SMAD2: variants seen among roughly 807,000 people sequenced by gnomAD.
SMAD2 encodes the protein MAD homolog 2.
A neutral mutation model predicts 64.4 loss-of-function variants in SMAD2; 8 were observed. That is an observed-to-expected ratio of 0.12 (90% confidence interval 0.07 to 0.22). The LOEUF (loss-of-function observed/expected upper bound fraction) is 0.22, where lower values mean the gene tolerates loss of function less well. SMAD2 is among the 10% of genes least tolerant of loss of function. The pLI is 1.00. For synonymous variants in SMAD2, 203 were observed against 195.8 expected, an observed-to-expected ratio of 1.04 and a Z score of -0.31; for missense variants, 289 against 561.2, an observed-to-expected ratio of 0.51 and a Z score of 4.90.
intron 1 of SMAD2, among the ~76,000 whole-genome samples, chr18:47,911,328 G>A (rs1384797496): frequency 6.6e-6 from 1 of 150,458 alleles, no homozygotes; most frequent in Non-Finnish European, 1.5e-5. Context: ...TCTAGTCTGG[G>A]CAACAGAGCG....
intron 7 of SMAD2, among the ~76,000 whole-genome samples, chr18:47,849,828 T>C (rs1450884329): frequency 1.3e-5 from 2 of 151,780 alleles, no homozygotes; most frequent in Admixed American, 6.6e-5. Context: ...GGCAACATAG[T>C]GAAACCCCAT....
intron 8 of SMAD2, among the ~76,000 whole-genome samples, chr18:47,847,814 A>T (rs1914675665): frequency 6.6e-6 from 1 of 152,044 alleles, no homozygotes; most frequent in African/African-American, 2.4e-5. Context: ...AATCATATGC[A>T]TGTAGGCTCT....
intron 4 of SMAD2, among the ~76,000 whole-genome samples, chr18:47,868,732 C>T (rs918143633): frequency 2.0e-5 from 3 of 152,036 alleles, no homozygotes; most frequent in South Asian, 2.1e-4. Context: ...GTTCATAAAT[C>T]CCCATTGGAA....
intron 1 of SMAD2, among the ~76,000 whole-genome samples, chr18:47,898,814 A>C (rs1410820696): frequency 6.6e-6 from 1 of 152,208 alleles, no homozygotes; most frequent in Non-Finnish European, 1.5e-5. Flanking sequence ...AGGCGTCAGG[A>C]AAGATTTTCC....
chr18:47,896,548 C>T lies in SMAD2; in HGVS notation c.209G>A (p.Cys70Tyr). The change falls in exon 2 of 11, where the codon TGT (cysteine) becomes TAT (tyrosine). Residue 70 changes from cysteine (C) to tyrosine (Y), a missense_variant. Coordinates refer to ENST00000262160, the MANE Select transcript of SMAD2 (RefSeq NM_005901.6). The part of the protein sequence containing the change: ...ELEKAITTQN[C>Y]NTKCVTIPST... ...TGGTATGGTAACACATTTAGTATTA[C>T]AGTTTTGAGTGGTGATGGCTTTCTC... 1.2e-6 allele frequency: 2 copies of T among 1,614,148 alleles called. No individual in the cohort carries two copies. The highest frequency in any genetic ancestry group is 1.7e-6 in the Non-Finnish European group (2 of 1,180,004).
In SMAD2 at chr18:47,872,683, C is replaced by T. The variant is rs148121816; in HGVS notation, c.237-2119G>A. On this transcript the variant is annotated intron_variant, in intron 2 of 10. Transcript: ENST00000262160. ...CATTAGATTCTCATAGGAGCAAGAACCCTATTGTGAACTGCACATGCGAGG... is the reference window on the plus strand; with the variant it reads ...CATTAGATTCTCATAGGAGCAAGAATCCTATTGTGAACTGCACATGCGAGG... Among the ~76,000 whole-genome samples the T allele has an allele frequency of 1.4e-4, 22 of 152,164 alleles. 1 individual carries two copies. Among genetic ancestry groups the T allele is most frequent in the Middle Eastern group, 3.4e-3 (1 of 294 alleles).
intron 10 of SMAD2, among the ~76,000 whole-genome samples, chr18:47,843,486 A>G (rs1792684): frequency 0.4 from 61,115 of 152,018 alleles, 13,078 homozygotes; most frequent in East Asian, 0.59. Flanking sequence ...AATTCTTCAT[A>G]CATCTAAATT....
intron 4 of SMAD2, 132 bp from the exon 5 acceptor site, chr18:47,868,589 A>C (rs972108234): frequency 1.5e-6 from 1 of 683,712 alleles, no homozygotes; most frequent in Non-Finnish European, 2.6e-6. Flanking sequence ...CTCGATATAT[A>C]CTAGTTACTG....
chr18:47,871,819 A>G (rs562902089), intron 2 of SMAD2, among the ~76,000 whole-genome samples: 50 of 152,328 alleles, frequency 3.3e-4, no homozygotes, highest in African/African-American at 8.7e-4. Flanking sequence ...TCAAATATCT[A>G]TTGGAAACAT....
intron 2 of SMAD2, among the ~76,000 whole-genome samples, chr18:47,882,035 G>T (rs1204467859): frequency 1.4e-5 from 1 of 72,214 alleles, no homozygotes; most frequent in Non-Finnish European, 2.7e-5. Context: ...GTACTACCAC[G>T]CTTGGCTTTT....
chr18:47,841,981 GA>G, intron 10 of SMAD2, 31 bp from the exon 11 acceptor site: 1 of 1,613,356 alleles, frequency 6.2e-7, no homozygotes, highest in Non-Finnish European at 8.5e-7. Context: ...AAATGATTAT[GA>G]AATTCAAGTC....
Position 47,822,933 on chromosome 18 carries a change from AC to A in SMAD2, c.*18893del, listed in dbSNP as rs1415851046. 1 of 152,104 alleles carries A rather than the reference AC, an allele frequency of 6.6e-6. No homozygotes were observed. The highest frequency in any genetic ancestry group is 2.4e-5 in the African/African-American group (1 of 41,384). The allele number at this position is 152,104 out of a possible 1,614,324, so 9.4% of individuals were successfully genotyped here. On this transcript the variant is annotated 3_prime_UTR_variant, in exon 11 of 11. Coordinates refer to ENST00000262160, the MANE Select transcript of SMAD2 (RefSeq NM_005901.6). ...TCAAACTCCTGACCTCAGGTGTTCC[AC>A]CTGTCTTGGCCTCCCAAAGAGCTGG...
intron 1 of SMAD2, among the ~76,000 whole-genome samples, chr18:47,925,772 C>T (rs2034737393): frequency 1.3e-5 from 2 of 152,124 alleles, no homozygotes; most frequent in African/African-American, 2.4e-5. Flanking sequence ...TACAAGGTCA[C>T]CAATAATTAT....
intron 2 of SMAD2, among the ~76,000 whole-genome samples, chr18:47,871,799 A>G (rs1450355059): frequency 6.6e-6 from 1 of 152,224 alleles, no homozygotes; most frequent in African/African-American, 2.4e-5. Context: ...GGTTTATTTA[A>G]AAGATATTTT....
At chr18:47,872,718 T>C (rs2032014195) in intron 2 of SMAD2, among the ~76,000 whole-genome samples, 1 of 152,142 alleles carries the variant, frequency 6.6e-6, no homozygotes, top group African/African-American at 2.4e-5. Context: ...GGCTTTAGGC[T>C]GGGCACTCCT....
chr18:47,872,987 G>C (rs2032035181), intron 2 of SMAD2, among the ~76,000 whole-genome samples: 2 of 151,592 alleles, frequency 1.3e-5, no homozygotes, highest in Non-Finnish European at 2.9e-5. Flanking sequence ...TCAGCCTCCT[G>C]AGTAGCTGGG....
chr18:47,854,379 C>T (rs2030459215), intron 6 of SMAD2, among the ~76,000 whole-genome samples: 1 of 152,092 alleles, frequency 6.6e-6, no homozygotes, highest in African/African-American at 2.4e-5. Context: ...TTATAAGTGC[C>T]AAAATACCCT....
In SMAD2 at chr18:47,833,450, C is replaced by T. The variant is rs893447366; in HGVS notation, c.*8377G>A. The T allele has an allele frequency of 8.8e-6, 2 of 227,654 alleles. No homozygotes were observed. The highest frequency in any genetic ancestry group is 6.3e-5 in the East Asian group (1 of 15,876). The allele number at this position is 227,654 out of a possible 1,614,324, so 14.1% of individuals were successfully genotyped here. On this transcript the variant is annotated 3_prime_UTR_variant, in exon 11 of 11. Transcript: ENST00000262160. ...CATCGTACTTTTGACAATCATAGAA[C>T]GAAAGCTCACAAAGAACACATTTAA... is the stretch of plus-strand genomic sequence containing the variant.
intron 1 of SMAD2, among the ~76,000 whole-genome samples, chr18:47,916,808 T>G (rs1366428178): frequency 6.6e-6 from 1 of 152,256 alleles, no homozygotes; most frequent in Non-Finnish European, 1.5e-5. Context: ...TTTACCTGTT[T>G]CCAAATTTAA....
Sources: allele counts gnomAD v4.1 joint callset (sites outside exome capture counted in the v4.1 genomes callset), GRCh38; gene constraint gnomAD v4.1.1; transcripts MANE v1.5; gene names NCBI Gene and HGNC (gene_info 2026-07-23, HGNC 2026-07-21).